The following LSG1 variants were observed in gnomAD, a reference collection of about 807,000 sequenced individuals.
LSG1 encodes large subunit GTPase 1 homolog.
In LSG1, 55 loss-of-function variants were observed where a neutral mutation model predicts 82.6. That is an observed-to-expected ratio of 0.67 (90% CI 0.54 to 0.83). LSG1 has a LOEUF of 0.83. Ranked by LOEUF, LSG1 falls within the 40% of genes least tolerant of loss-of-function variation. LSG1 has a pLI of 0.00. For synonymous variants in LSG1, 272 were observed against 282.5 expected (o/e 0.96, Z 0.37); for missense variants, 809 against 807.9 (o/e 1.00, Z -0.02).
At chr3:194,656,989 G>A (rs1322017238) in intron 7 of LSG1, among the ~76,000 whole-genome samples, 5 of 151,976 alleles carry the variant, frequency 3.3e-5, no homozygotes, top group Non-Finnish European at 7.4e-5. Flanking sequence ...CACACGCCGG[G>A]GACTGTTGTG....
intron 5 of LSG1, among the ~76,000 whole-genome samples, chr3:194,664,188 A>C (rs1718986851): frequency 6.6e-6 from 1 of 152,110 alleles, no homozygotes; most frequent in Non-Finnish European, 1.5e-5. Flanking sequence ...GCTGACTTCA[A>C]GTGATCCACC....
At chr3:194,660,986 G>A (rs1251238130) in intron 5 of LSG1, 2 of 446,244 alleles carry the variant, frequency 4.5e-6, no homozygotes, top group South Asian at 1.6e-5. Context: ...GCCGCTGGGA[G>A]GACATAAGCT....
rs1010812432 is a variant in LSG1 at position 194,669,599 on chromosome 3, A to G, written c.226+410T>C. Among the ~76,000 whole-genome samples, 4 of 152,262 alleles carry G rather than the reference A, an allele frequency of 2.6e-5. No individual in the cohort carries two copies. In the South Asian group the frequency reaches 8.3e-4, roughly 32 times the overall value. ...GCTCGAGTCCTCTGCCTGTCTGTGT[A>G]AAAGGTCTTATCTCATCTGTCCTTT... is the stretch of plus-strand genomic sequence containing the variant. On this transcript the variant is annotated intron_variant, in intron 2 of 13. Transcript: ENST00000265245.
chr3:194,662,974 A>C (rs1718964053), intron 5 of LSG1, among the ~76,000 whole-genome samples: 1 of 152,172 alleles, frequency 6.6e-6, no homozygotes, highest in Non-Finnish European at 1.5e-5. Flanking sequence ...GATAAACACC[A>C]CTAGACACCT....
intron 2 of LSG1, among the ~76,000 whole-genome samples, chr3:194,666,873 T>C (rs1314638271): frequency 6.6e-6 from 1 of 152,146 alleles, no homozygotes; most frequent in Non-Finnish European, 1.5e-5. Flanking sequence ...TACAGCATCA[T>C]CTGGTAGCTT....
At chr3:194,667,207 C>T (rs574245985) in intron 2 of LSG1, among the ~76,000 whole-genome samples, 4 of 152,120 alleles carry the variant, frequency 2.6e-5, no homozygotes, top group East Asian at 1.9e-4. Context: ...CGCACCACCA[C>T]GCCCGGCTAA....
chr3:194,644,290 A>C (rs1718462852), intron 13 of LSG1, among the ~76,000 whole-genome samples: 1 of 151,134 alleles, frequency 6.6e-6, no homozygotes, highest in African/African-American at 2.4e-5. Context: ...TGAACCCGGG[A>C]AGCGGAGCTT....
chr3:194,652,965 C>G lies in LSG1; in HGVS notation c.937G>C (p.Glu313Gln). ...CACGTCTGCCAGTCGTCTTCCTCCT[C>G]CTCTGGACAGTCCTCATACTCACTG... ...DDSEYEDCPE[E>Q]EEDDWQTCSE... Residue 313 changes from glutamate (E) to glutamine (Q), a missense_variant, in exon 8 of 14, where the codon GAG becomes CAG. By Grantham distance (29) the Glu-to-Gln change is conservative. Transcript: ENST00000265245. 2 of 1,614,206 alleles carry G rather than the reference C, an allele frequency of 1.2e-6. No individual in the cohort carries two copies. Among genetic ancestry groups the G allele is most frequent in the Non-Finnish European group, 1.7e-6 (2 of 1,180,036 alleles).
At chr3:194,669,832 T>G (rs1719107358) in intron 2 of LSG1, among the ~76,000 whole-genome samples, 177 bp downstream of exon 2, 1 of 152,134 alleles carries the variant, frequency 6.6e-6, no homozygotes, top group South Asian at 2.1e-4. Flanking sequence ...CTTGGGAGGC[T>G]GAGGCAGGTG....
chr3:194,646,747 C>T (rs1274559686), intron 11 of LSG1, among the ~76,000 whole-genome samples: 1 of 152,206 alleles, frequency 6.6e-6, no homozygotes, highest in East Asian at 1.9e-4. Flanking sequence ...TCTTGAACTC[C>T]TGACCTCAGG....
rs1308072478 is a variant in LSG1, at chr3:194,648,566, T to A, written c.1543+115A>T. 3.4e-6 allele frequency: 4 copies of A among 1,180,160 alleles called. No homozygotes were observed. The African/African-American group carries it at 4.7e-5, about 14-fold the overall frequency. The allele number at this position is 1,180,160 out of a possible 1,614,324, so 73.1% of individuals were successfully genotyped here. On this transcript the variant is annotated intron_variant, in intron 11 of 13. Coordinates refer to ENST00000265245, the MANE Select transcript of LSG1 (RefSeq NM_018385.3). ...GATGGCTTGAAAAATGCTGAAGAAA[T>A]ATTATAAATGTGTATCTTTGCAGAA...
chr3:194,669,917 C>G (rs1486512529), intron 2 of LSG1, 92 bp downstream of exon 2: 3 of 1,439,924 alleles, frequency 2.1e-6, no homozygotes, highest in Non-Finnish European at 2.8e-6. Flanking sequence ...GGTGACAGAG[C>G]GAGACTCCAT....
intron 5 of LSG1, among the ~76,000 whole-genome samples, chr3:194,665,232 C>T (rs1340818876): frequency 6.6e-6 from 1 of 152,178 alleles, no homozygotes; most frequent in Non-Finnish European, 1.5e-5. Flanking sequence ...TCTTTGCAGG[C>T]AGGAACTTAA....
intron 8 of LSG1, 60 bp from the exon 9 acceptor site, chr3:194,651,276 G>T: frequency 8.7e-7 from 1 of 1,150,530 alleles, no homozygotes; most frequent in Non-Finnish European, 1.3e-6. Flanking sequence ...AAGACTCAAA[G>T]ATATGACATA....
At chr3:194,668,708 TA>T (rs1371278010) in intron 2 of LSG1, among the ~76,000 whole-genome samples, 1 of 152,178 alleles carries the variant, frequency 6.6e-6, no homozygotes, top group Non-Finnish European at 1.5e-5. Context: ...AGTGATCTTT[TA>T]AAAAATGAAA....
intron 5 of LSG1, among the ~76,000 whole-genome samples, chr3:194,662,769 C>T (rs1209756616): frequency 2.6e-5 from 4 of 152,108 alleles, no homozygotes; most frequent in Non-Finnish European, 5.9e-5. Flanking sequence ...TCTCAAAAAA[C>T]AAAACAAAAC....
In LSG1 at chr3:194,644,595, A is replaced by G. The variant is rs1258010913; in HGVS notation, c.1775T>C (p.Val592Ala). Reference protein sequence around the residue: ...NKKAKQIENIVDKTFFHQENV... With the variant: ...NKKAKQIENIADKTFFHQENV... ...TACTTGATGGAAAAAAGTTTTGTCAACGATATTTTCAATCTGCTTTGCTTT... is the reference window on the plus strand; with the variant it reads ...TACTTGATGGAAAAAAGTTTTGTCAGCGATATTTTCAATCTGCTTTGCTTT... The change falls in exon 13 of 14, where the codon GTT becomes GCT. Residue 592 changes from valine to alanine, a missense_variant. Coordinates refer to ENST00000265245, the MANE Select transcript of LSG1 (RefSeq NM_018385.3). 8.1e-6 allele frequency: 13 copies of G among 1,611,090 alleles called. No homozygotes were observed. The highest frequency in any genetic ancestry group is 1.1e-5 in the Non-Finnish European group (13 of 1,179,180).
chr3:194,660,660 A>C (rs1718907207), intron 5 of LSG1: 1 of 311,374 alleles, frequency 3.2e-6, no homozygotes, highest in East Asian at 7.7e-5. Context: ...AGAAGGAAGA[A>C]AGCATATTTT....
chr3:194,646,398 C>T, intron 11 of LSG1, 155 bp from the exon 12 acceptor site: 1 of 551,532 alleles, frequency 1.8e-6, no homozygotes, highest in South Asian at 2.4e-5. Flanking sequence ...GCATTAAAAA[C>T]ACTAGATAAT....
Sources: gnomAD v4.1 joint callset for allele counts (sites outside exome capture counted in the v4.1 genomes callset) on GRCh38, gnomAD v4.1.1 for gene constraint, MANE v1.5 for transcripts, NCBI Gene and HGNC (gene_info 2026-07-23, HGNC 2026-07-21) for gene names.